The following UBE2E2 variants were observed in gnomAD, a reference collection of about 807,000 sequenced individuals.
The protein encoded by UBE2E2 is ubiquitin-conjugating enzyme E2 E2.
UBE2E2 carries 6 observed loss-of-function variants against 24.7 expected under a neutral mutation model. The ratio of observed to expected loss-of-function variants is 0.24; its 90% CI spans 0.13 to 0.48. UBE2E2 has a LOEUF of 0.48. Among genes scored for constraint, UBE2E2 ranks in the 20% least tolerant of loss-of-function variants. UBE2E2 has a pLI of 0.99. For missense variants in UBE2E2, 169 were observed against 245.0 expected, an observed-to-expected ratio of 0.69 and a Z score of 2.07; for synonymous variants, 104 against 83.6, an observed-to-expected ratio of 1.24 and a Z score of -1.33.
chr3:23,465,109 A>G (rs1698894617), intron 3 of UBE2E2, among the ~76,000 whole-genome samples: 1 of 152,174 alleles, frequency 6.6e-6, no homozygotes, highest in Non-Finnish European at 1.5e-5. Flanking sequence ...GTTATTTTAG[A>G]TATTATTTCT....
intron 3 of UBE2E2, among the ~76,000 whole-genome samples, chr3:23,441,124 T>G (rs1321502343): frequency 6.6e-6 from 1 of 152,136 alleles, no homozygotes; most frequent in East Asian, 1.9e-4. Context: ...TGACCTGGTG[T>G]TGTGTCACTT....
chr3:23,367,321 C>T (rs1696284232), intron 3 of UBE2E2, among the ~76,000 whole-genome samples: 1 of 152,038 alleles, frequency 6.6e-6, no homozygotes. Context: ...TGGCTGGCAG[C>T]ATCTAGGTAG....
chr3:23,496,695 A>AT (rs1699609456), intron 3 of UBE2E2, among the ~76,000 whole-genome samples: 1 of 152,080 alleles, frequency 6.6e-6, no homozygotes, highest in Admixed American at 6.6e-5. Flanking sequence ...CAATTTTGCT[A>AT]TTATAAATAG....
At chr3:23,403,914 G>C (rs941755484) in intron 3 of UBE2E2, among the ~76,000 whole-genome samples, 1 of 151,692 alleles carries the variant, frequency 6.6e-6, no homozygotes, top group Non-Finnish European at 1.5e-5. Flanking sequence ...AATTAACCAT[G>C]TCAGTAACGA....
intron 4 of UBE2E2, among the ~76,000 whole-genome samples, chr3:23,506,449 C>T (rs1322075422): frequency 2.0e-5 from 3 of 152,180 alleles, no homozygotes; most frequent in African/African-American, 4.8e-5. Context: ...ATTCTTGACT[C>T]CTTTCACACA....
intron 3 of UBE2E2, among the ~76,000 whole-genome samples, chr3:23,320,191 A>G (rs924109845): frequency 1.3e-5 from 2 of 152,184 alleles, no homozygotes; most frequent in African/African-American, 4.8e-5. Context: ...CGCAGGTACT[A>G]CTGTTCTTTC....
At chr3:23,244,858 A>G (rs1258818939) in intron 3 of UBE2E2, among the ~76,000 whole-genome samples, 1 of 152,144 alleles carries the variant, frequency 6.6e-6, no homozygotes, top group African/African-American at 2.4e-5. Flanking sequence ...TAAGACTCCA[A>G]GGTACAAATT....
At chr3:23,534,982 CTT>C (rs1178311045) in intron 5 of UBE2E2, among the ~76,000 whole-genome samples, 1 of 152,140 alleles carries the variant, frequency 6.6e-6, no homozygotes, top group Non-Finnish European at 1.5e-5. Flanking sequence ...TTTTCATACT[CTT>C]TTTGTAATTT....
chr3:23,257,422 CA>C lies in UBE2E2; in HGVS notation c.227+40114del, dbSNP rs1293284051. On this transcript the variant is annotated intron_variant, in intron 3 of 5. Transcript: ENST00000396703. ...CAATTTCATAAGTGGAGGTCTGCAA[CA>C]AAATAGATGTACTTAAGCAAGATGA... Among the ~76,000 whole-genome samples, 12 of 131,916 alleles carry C rather than the reference CA, an allele frequency of 9.1e-5. No individual in the cohort carries two copies. In the East Asian group the frequency reaches 2.7e-3, roughly 29 times the overall value. The allele number at this position is 131,916 out of a possible 152,430, so 86.5% of individuals were successfully genotyped here.
chr3:23,493,395 T>G (rs1455930819), intron 3 of UBE2E2, among the ~76,000 whole-genome samples: 1 of 152,252 alleles, frequency 6.6e-6, no homozygotes, highest in African/African-American at 2.4e-5. Flanking sequence ...AGTTTGATTC[T>G]GTTGCAGAAT....
chr3:23,504,836 G>A (rs181571935), intron 4 of UBE2E2, among the ~76,000 whole-genome samples: 23 of 151,054 alleles, frequency 1.5e-4, no homozygotes, highest in Non-Finnish European at 3.1e-4. Flanking sequence ...TATTATGTTG[G>A]GGTTTTTTCC....
intron 5 of UBE2E2, among the ~76,000 whole-genome samples, chr3:23,563,123 G>T (rs1463699129): frequency 1.3e-5 from 2 of 152,088 alleles, no homozygotes; most frequent in African/African-American, 4.8e-5. Flanking sequence ...TTTTGAATGT[G>T]TTTGCTCTTG....
intron 3 of UBE2E2, among the ~76,000 whole-genome samples, chr3:23,401,950 G>T (rs1575607049): frequency 6.7e-6 from 1 of 149,858 alleles, no homozygotes; most frequent in East Asian, 2.0e-4. Flanking sequence ...TCTACCTCCT[G>T]GGTTCAAGCA....
At chr3:23,343,994 A>G (rs1695475387) in intron 3 of UBE2E2, among the ~76,000 whole-genome samples, 1 of 152,186 alleles carries the variant, frequency 6.6e-6, no homozygotes, top group Non-Finnish European at 1.5e-5. Flanking sequence ...TACTTTTATC[A>G]TTCAAAATGG....
chr3:23,380,888 A>G (rs764258268), intron 3 of UBE2E2, among the ~76,000 whole-genome samples: 1 of 152,204 alleles, frequency 6.6e-6, no homozygotes, highest in Non-Finnish European at 1.5e-5. Context: ...TCCAAGCTCT[A>G]AGCACTAAGG....
intron 3 of UBE2E2, among the ~76,000 whole-genome samples, chr3:23,446,706 T>TTTTC: frequency 7.1e-6 from 1 of 141,822 alleles, no homozygotes; most frequent in Non-Finnish European, 1.5e-5. Context: ...TTGGTTTTTT[T>TTTTC]TTTTTTTTTT....
intron 3 of UBE2E2, among the ~76,000 whole-genome samples, chr3:23,455,387 T>C (rs534566802): frequency 2.6e-5 from 4 of 152,326 alleles, no homozygotes; most frequent in South Asian, 2.1e-4. Context: ...GCAGTGACTT[T>C]ATGTCTAAAG....
intron 3 of UBE2E2, among the ~76,000 whole-genome samples, chr3:23,443,389 A>C (rs573756716): frequency 3.5e-4 from 53 of 152,304 alleles, no homozygotes; most frequent in Non-Finnish European, 5.9e-4. Flanking sequence ...TGGAGAGTCA[A>C]TACATGGATA....
At chr3:23,246,911 G>A (rs540081810) in intron 3 of UBE2E2, among the ~76,000 whole-genome samples, 4 of 152,048 alleles carry the variant, frequency 2.6e-5, no homozygotes, top group South Asian at 2.1e-4. Flanking sequence ...AAATAGAGAC[G>A]GAGTCATGCT....
Sources: gnomAD v4.1 joint callset for allele counts (sites outside exome capture counted in the v4.1 genomes callset) on GRCh38, gnomAD v4.1.1 for gene constraint, MANE v1.5 for transcripts, NCBI Gene and HGNC (gene_info 2026-07-23, HGNC 2026-07-21) for gene names.